The following MAGI2 variants were observed in gnomAD, a reference collection of about 807,000 sequenced individuals.
MAGI2 encodes the protein membrane associated guanylate kinase, WW and PDZ domain containing 2.
A neutral mutation model predicts 133.3 loss-of-function variants in MAGI2; 35 were observed. The observed-to-expected ratio is 0.26, with a 90% confidence interval of 0.20 to 0.35. The LOEUF (loss-of-function observed/expected upper bound fraction) is 0.35, where lower values mean the gene tolerates loss of function less well. MAGI2 is among the 10% of genes least tolerant of loss of function. MAGI2 has a pLI of 1.00. For synonymous variants in MAGI2, 729 were observed against 710.6 expected, an observed-to-expected ratio of 1.03 and a Z score of -0.41; for missense variants, 1,636 against 1,863.4, an observed-to-expected ratio of 0.88 and a Z score of 2.25.
chr7:78,348,045 T>G (rs544760332), intron 7 of MAGI2, among the ~76,000 whole-genome samples: 84 of 152,312 alleles, frequency 5.5e-4, no homozygotes, highest in Admixed American at 2.0e-3. Context: ...TACTTAAACA[T>G]ATACTGTTCC....
At chr7:79,242,355 T>C (rs1832480201) in intron 1 of MAGI2, among the ~76,000 whole-genome samples, 1 of 152,184 alleles carries the variant, frequency 6.6e-6, no homozygotes, top group African/African-American at 2.4e-5. Flanking sequence ...CATTGACCAT[T>C]TCTCACAGGT....
At chr7:78,606,927 A>T (rs149312557) in intron 3 of MAGI2, among the ~76,000 whole-genome samples, 75 of 152,284 alleles carry the variant, frequency 4.9e-4, no homozygotes, top group African/African-American at 1.7e-3. Context: ...CTAATTTTAA[A>T]TGTATATTCC....
chr7:78,177,953 C>G, intron 14 of MAGI2, 58 bp downstream of exon 14: 1 of 1,173,040 alleles, frequency 8.5e-7, no homozygotes, highest in Middle Eastern at 1.9e-4. Flanking sequence ...ACTATTTTCC[C>G]TGGTGTTTAC....
chr7:79,445,234 C>T (rs1022688891), intron 1 of MAGI2, among the ~76,000 whole-genome samples: 1 of 152,136 alleles, frequency 6.6e-6, no homozygotes, highest in Admixed American at 6.5e-5. Context: ...CTAGGCAATA[C>T]CATTCAGGAC....
At chr7:78,858,247 T>G (rs1200917798) in intron 2 of MAGI2, among the ~76,000 whole-genome samples, 1 of 152,192 alleles carries the variant, frequency 6.6e-6, no homozygotes, top group Non-Finnish European at 1.5e-5. Flanking sequence ...TGTGTCTCTA[T>G]CTCCTTCAGT....
intron 20 of MAGI2, among the ~76,000 whole-genome samples, chr7:78,120,661 G>C (rs1291603848): frequency 6.6e-6 from 1 of 152,134 alleles, no homozygotes; most frequent in Non-Finnish European, 1.5e-5. Flanking sequence ...TTATAGAGCT[G>C]TCATTGCAGA....
chr7:78,657,471 G>T (rs1812430008), intron 2 of MAGI2, among the ~76,000 whole-genome samples: 1 of 152,150 alleles, frequency 6.6e-6, no homozygotes, highest in African/African-American at 2.4e-5. Flanking sequence ...TCCAAAAAAT[G>T]AAATATTTAG....
At chr7:78,987,288 G>A (rs1240102040) in intron 2 of MAGI2, among the ~76,000 whole-genome samples, 4 of 151,992 alleles carry the variant, frequency 2.6e-5, no homozygotes, top group Admixed American at 6.6e-5. Flanking sequence ...TGAATACAAC[G>A]TTAATTGCAA....
intron 1 of MAGI2, among the ~76,000 whole-genome samples, chr7:79,064,373 C>T (rs971915312): frequency 6.6e-6 from 1 of 152,014 alleles, no homozygotes; most frequent in Non-Finnish European, 1.5e-5. Context: ...ATCTAAAGCT[C>T]AAAGTTCAAT....
At chr7:78,255,004 T>C (rs905627102) in intron 10 of MAGI2, 1 of 152,256 alleles carries the variant, frequency 6.6e-6, no homozygotes, top group African/African-American at 2.4e-5. Context: ...GTGTCCTAAG[T>C]CCACAAATTG....
intron 2 of MAGI2, among the ~76,000 whole-genome samples, chr7:78,839,893 T>A (rs565016199): frequency 6.6e-6 from 1 of 152,246 alleles, no homozygotes; most frequent in East Asian, 1.9e-4. Context: ...AACTCTGTAG[T>A]GCTCTAGTTT....
At chr7:79,341,296 A>ATT (rs1227292754) in intron 1 of MAGI2, among the ~76,000 whole-genome samples, 13 of 152,246 alleles carry the variant, frequency 8.5e-5, no homozygotes, top group South Asian at 2.1e-4. Flanking sequence ...AATTAGTAAA[A>ATT]TTACTGGCTG....
At chr7:78,628,059 T>A (rs949330631) in intron 2 of MAGI2, among the ~76,000 whole-genome samples, 10 of 152,140 alleles carry the variant, frequency 6.6e-5, no homozygotes, top group Admixed American at 6.5e-4. Flanking sequence ...GGCAGGAGTA[T>A]CAGCTACTCA....
chr7:79,425,928 A>C (rs780305696), intron 1 of MAGI2, among the ~76,000 whole-genome samples: 1 of 152,134 alleles, frequency 6.6e-6, no homozygotes, highest in Non-Finnish European at 1.5e-5. Context: ...CAGTGTTTGA[A>C]CTTGAATAAA....
At chr7:78,763,353 C>A (rs1824704962) in intron 2 of MAGI2, among the ~76,000 whole-genome samples, 1 of 152,148 alleles carries the variant, frequency 6.6e-6, no homozygotes, top group Admixed American at 6.5e-5. Context: ...GGGATCCGCA[C>A]AGAACAGATT....
At chr7:78,947,408 A>T (rs1801506567) in intron 2 of MAGI2, among the ~76,000 whole-genome samples, 1 of 152,122 alleles carries the variant, frequency 6.6e-6, no homozygotes, top group Non-Finnish European at 1.5e-5. Context: ...GACTCTTGAG[A>T]TTGAAACAAA....
intron 2 of MAGI2, among the ~76,000 whole-genome samples, chr7:78,730,396 G>A (rs1821254448): frequency 8.4e-6 from 1 of 119,286 alleles, no homozygotes; most frequent in Admixed American, 9.8e-5. Flanking sequence ...TTTCTTCCAA[G>A]CCACTAATAC....
At chr7:78,398,775 C>T (rs1036991679) in intron 6 of MAGI2, among the ~76,000 whole-genome samples, 4 of 152,016 alleles carry the variant, frequency 2.6e-5, no homozygotes, top group Non-Finnish European at 5.9e-5. Context: ...AAATTCACCC[C>T]TCCCACCTCC....
chr7:78,111,736 C>T (rs534486269), intron 20 of MAGI2, among the ~76,000 whole-genome samples: 49 of 152,182 alleles, frequency 3.2e-4, no homozygotes, highest in African/African-American at 1.0e-3. Context: ...CAGGGCCAGA[C>T]AATAAAGGGA....
Sources: gnomAD v4.1 joint callset for allele counts (sites outside exome capture counted in the v4.1 genomes callset) on GRCh38, gnomAD v4.1.1 for gene constraint, MANE v1.5 for transcripts, NCBI Gene and HGNC (gene_info 2026-07-23, HGNC 2026-07-21) for gene names.